STRBP: variants seen among roughly 807,000 people sequenced by gnomAD.
STRBP encodes spermatid perinuclear RNA binding protein.
Under a neutral mutation model 80.1 loss-of-function variants are expected in STRBP, and 13 were observed. The ratio of observed to expected loss-of-function variants is 0.16; its 90% CI spans 0.11 to 0.26. The LOEUF is 0.26. STRBP is among the 10% of genes least tolerant of loss of function. The pLI is 1.00. For synonymous variants in STRBP, 284 were observed against 291.2 expected, an observed-to-expected ratio of 0.98 and a Z score of 0.25; for missense variants, 485 against 815.2, an observed-to-expected ratio of 0.59 and a Z score of 4.93.
intron 2 of STRBP, among the ~76,000 whole-genome samples, chr9:123,217,267 G>C (rs1177846350): frequency 6.6e-6 from 1 of 152,124 alleles, no homozygotes; most frequent in East Asian, 1.9e-4. Context: ...CAAAATGATA[G>C]AGTAGAAGGA....
intron 2 of STRBP, among the ~76,000 whole-genome samples, chr9:123,189,545 T>C (rs1026904038): frequency 6.6e-6 from 1 of 151,102 alleles, no homozygotes; most frequent in Non-Finnish European, 1.5e-5. Flanking sequence ...ATGTCCTTTG[T>C]AGGAATATGG....
At chr9:123,230,485 T>A (rs2132577560) in intron 2 of STRBP, among the ~76,000 whole-genome samples, 1 of 152,314 alleles carries the variant, frequency 6.6e-6, no homozygotes, top group Non-Finnish European at 1.5e-5. Context: ...TAGTAAGTGC[T>A]AATAAATACT....
intron 2 of STRBP, among the ~76,000 whole-genome samples, chr9:123,188,666 A>C (rs2038799662): frequency 6.6e-6 from 1 of 152,092 alleles, no homozygotes; most frequent in African/African-American, 2.4e-5. Context: ...AAATCTCAAA[A>C]CCAACAAACA....
intron 4 of STRBP, among the ~76,000 whole-genome samples, chr9:123,176,404 G>A (rs1228134724): frequency 6.6e-6 from 1 of 152,208 alleles, no homozygotes; most frequent in Admixed American, 6.5e-5. Flanking sequence ...TGGAGTCAGA[G>A]AAACTTCAAT....
At chr9:123,148,908 A>T (rs2036936554) in intron 11 of STRBP, among the ~76,000 whole-genome samples, 1 of 152,186 alleles carries the variant, frequency 6.6e-6, no homozygotes, top group African/African-American at 2.4e-5. Context: ...AGCAAAAACT[A>T]ACTGAATTGA....
intron 6 of STRBP, among the ~76,000 whole-genome samples, chr9:123,169,111 G>A (rs934451107): frequency 6.6e-6 from 1 of 151,176 alleles, no homozygotes. Context: ...ACACAGACAT[G>A]TACAAATCTT....
At position 123,136,534 on chromosome 9, in the gene STRBP, C is replaced by T; in HGVS notation, c.1498-19G>A. 1 of 1,608,808 alleles carries T rather than the reference C, an allele frequency of 6.2e-7. No homozygotes were observed. ...TTCTTACCTATAAGAGAAAGGGAAT[C>T]TGAAGGTTCAATCAAGTAAGATTTT... On this transcript the variant is annotated intron_variant, in intron 14 of 18. Coordinates refer to ENST00000348403, the MANE Select transcript of STRBP (RefSeq NM_018387.5). The surrounding 1 kb of genome is among the most constrained non-coding windows in gnomAD (Gnocchi z 4.2).
At chr9:123,256,431 G>A (rs374766856) in intron 1 of STRBP, among the ~76,000 whole-genome samples, 7 of 152,060 alleles carry the variant, frequency 4.6e-5, no homozygotes, top group East Asian at 1.9e-4. Context: ...AAACTGCGAC[G>A]TTAGAGGAAA....
intron 1 of STRBP, among the ~76,000 whole-genome samples, chr9:123,261,896 C>A (rs2041168020): frequency 6.6e-6 from 1 of 152,116 alleles, no homozygotes; most frequent in Non-Finnish European, 1.5e-5. Context: ...ATTTAGGTTG[C>A]CTAAGCTATA....
intron 1 of STRBP, among the ~76,000 whole-genome samples, chr9:123,258,795 C>T (rs1288355769): frequency 1.0e-5 from 1 of 96,512 alleles, no homozygotes; most frequent in Non-Finnish European, 1.8e-5. Flanking sequence ...AGCGAGACTC[C>T]GTCTCAAAAA....
intron 6 of STRBP, among the ~76,000 whole-genome samples, chr9:123,165,507 T>C (rs2037717183): frequency 6.6e-6 from 1 of 152,090 alleles, no homozygotes; most frequent in East Asian, 1.9e-4. Context: ...TCCCTGAAAA[T>C]CCACCCCAGT....
At chr9:123,164,652 C>T (rs1291716549) in intron 6 of STRBP, among the ~76,000 whole-genome samples, 1 of 152,128 alleles carries the variant, frequency 6.6e-6, no homozygotes. Flanking sequence ...GGAACCTAGG[C>T]TCTTCAAAGT....
intron 11 of STRBP, among the ~76,000 whole-genome samples, chr9:123,153,360 T>A (rs1193035518): frequency 6.6e-6 from 1 of 151,968 alleles, no homozygotes; most frequent in Non-Finnish European, 1.5e-5. Flanking sequence ...CCAGCTAATT[T>A]TTATGTTTTC....
intron 1 of STRBP, among the ~76,000 whole-genome samples, chr9:123,237,510 T>C (rs1249486980): frequency 6.6e-6 from 1 of 152,052 alleles, no homozygotes; most frequent in Non-Finnish European, 1.5e-5. Context: ...AAATTATATT[T>C]GTACAACTTT....
intron 7 of STRBP, 33 bp from the exon 8 acceptor site, chr9:123,160,495 A>G (rs1011299455): frequency 3.3e-6 from 5 of 1,522,434 alleles, no homozygotes; most frequent in Non-Finnish European, 2.7e-6. Context: ...AGATATCCCT[A>G]TTGAGATCTA....
At chr9:123,152,936 A>G (rs558062826) in intron 11 of STRBP, among the ~76,000 whole-genome samples, 82 of 152,348 alleles carry the variant, frequency 5.4e-4, no homozygotes, top group Non-Finnish European at 1.0e-3. Context: ...GCAGCCATCA[A>G]GAGAAACTAG....
intron 2 of STRBP, among the ~76,000 whole-genome samples, chr9:123,209,293 C>G (rs1021055638): frequency 2.6e-5 from 4 of 152,106 alleles, no homozygotes; most frequent in Non-Finnish European, 5.9e-5. Context: ...GTGAGCATAA[C>G]TAGCCATTTA....
intron 6 of STRBP, among the ~76,000 whole-genome samples, chr9:123,164,142 C>T (rs569795118): frequency 8.1e-4 from 124 of 152,272 alleles, no homozygotes; most frequent in African/African-American, 2.8e-3. Flanking sequence ...GCCTCCCGGG[C>T]TCAAGCAATT....
At chr9:123,215,866 C>T (rs1008392266) in intron 2 of STRBP, among the ~76,000 whole-genome samples, 2 of 152,164 alleles carry the variant, frequency 1.3e-5, no homozygotes, top group African/African-American at 4.8e-5. Flanking sequence ...CCTCAGCTTC[C>T]AAGTTCGATT....
Sources: allele counts gnomAD v4.1 joint callset (sites outside exome capture counted in the v4.1 genomes callset), GRCh38; gene constraint gnomAD v4.1.1; non-coding constraint Gnocchi (gnomAD v3.1); transcripts MANE v1.5; gene names NCBI Gene and HGNC (gene_info 2026-07-23, HGNC 2026-07-21).